The following NDST4 variants were observed in gnomAD, a reference collection of about 807,000 sequenced individuals.
NDST4 encodes N-deacetylase and N-sulfotransferase 4, also known as N-heparan sulfate sulfotransferase 4.
In NDST4, 63 loss-of-function variants were observed where a neutral mutation model predicts 100.8. That is an observed-to-expected ratio of 0.62 (90% CI 0.51 to 0.77). NDST4 has a LOEUF of 0.77. Among genes scored for constraint, NDST4 ranks in the 30% least tolerant of loss-of-function variants. NDST4 has a pLI of 0.00. For synonymous variants in NDST4, 377 were observed against 361.8 expected (o/e 1.04, Z -0.48); for missense variants, 943 against 1,018.4 (o/e 0.93, Z 1.01).
rs552876844 is a variant in NDST4, at chr4:114,848,427, A to G, written c.1817-89T>C. On this transcript the variant is annotated intron_variant, in intron 8 of 13. Coordinates refer to ENST00000264363, the MANE Select transcript of NDST4 (RefSeq NM_022569.3). ...ATTTTTGCTCAAAAAGTAATATTAAAATAATCAACTATTTCCAGTATCAAA... is the reference window on the plus strand; with the variant it reads ...ATTTTTGCTCAAAAAGTAATATTAAGATAATCAACTATTTCCAGTATCAAA... The G allele has an allele frequency of 2.2e-5, 22 of 1,018,188 alleles. No individual in the cohort carries two copies. The African/African-American group carries it at 2.8e-4, about 13-fold the overall frequency. The allele number at this position is 1,018,188 out of a possible 1,614,324, so 63.1% of individuals were successfully genotyped here.
intron 11 of NDST4, 55 bp from the exon 12 acceptor site, chr4:114,833,770 G>A (rs1723253383): frequency 9.1e-7 from 1 of 1,104,674 alleles, no homozygotes; most frequent in African/African-American, 1.6e-5. Flanking sequence ...TGAATAGACT[G>A]TGATGCCTTC....
At chr4:114,959,110 A>G (rs1030710658) in intron 4 of NDST4, among the ~76,000 whole-genome samples, 1 of 152,146 alleles carries the variant, frequency 6.6e-6, no homozygotes, top group East Asian at 1.9e-4. Context: ...CCTCATTTCC[A>G]TCTGAGACCA....
chr4:115,003,046 G>A (rs868367735), intron 2 of NDST4, among the ~76,000 whole-genome samples: 50 of 152,250 alleles, frequency 3.3e-4, no homozygotes, highest in African/African-American at 1.1e-3. Flanking sequence ...CATGGATACA[G>A]GGAGGGGAAC....
Position 114,833,667 on chromosome 4 carries a change from T to C in NDST4, c.2335A>G (p.Met779Val), listed in dbSNP as rs774031707. The C allele has an allele frequency of 1.9e-6, 3 of 1,613,512 alleles. No homozygotes were observed. The Admixed American group carries it at 5.0e-5, about 27-fold the overall frequency. The change falls in exon 12 of 14, where the codon ATG becomes GTG. Residue 779 changes from methionine (M) to valine (V), a missense_variant. Met to Val is a conservative substitution (Grantham distance 21, BLOSUM62 1). This residue lies in a region of NDST4 where 526 missense variants were observed against 634.1 expected (regional missense o/e 0.83). Transcript: ENST00000264363. The stretch of plus-strand genomic sequence containing the variant: ...CCCAGAAACTTCTGGACTTCATCCA[T>C]CACAGTAGCTGGGTCAGATCTCAGC... ...QQLRSDPATV[M>V]DEVQKFLGVT...
chr4:115,028,863 A>C (rs1728046321), intron 2 of NDST4, among the ~76,000 whole-genome samples: 1 of 152,116 alleles, frequency 6.6e-6, no homozygotes, highest in Non-Finnish European at 1.5e-5. Flanking sequence ...AAATTAGATA[A>C]CTAGAGGCAA....
chr4:114,934,696 G>T (rs1725590044), intron 6 of NDST4, among the ~76,000 whole-genome samples: 1 of 151,964 alleles, frequency 6.6e-6, no homozygotes, highest in Admixed American at 6.6e-5. Flanking sequence ...TAAGTTAATA[G>T]TTAATAGTAA....
At chr4:114,847,654 T>C (rs1723583991) in intron 9 of NDST4, among the ~76,000 whole-genome samples, 1 of 151,844 alleles carries the variant, frequency 6.6e-6, no homozygotes, top group Non-Finnish European at 1.5e-5. Context: ...GGAAATACTG[T>C]GATTTTATTT....
chr4:114,848,180 T>A (rs1723595161), intron 9 of NDST4, 35 bp downstream of exon 9: 1 of 1,563,840 alleles, frequency 6.4e-7, no homozygotes, highest in Non-Finnish European at 8.7e-7. Context: ...GAGCATGTGT[T>A]AATAATGGAA....
chr4:114,898,446 A>G (rs575563147), intron 6 of NDST4, among the ~76,000 whole-genome samples: 3 of 152,224 alleles, frequency 2.0e-5, no homozygotes, highest in Admixed American at 2.0e-4. Flanking sequence ...ACTGTATTTG[A>G]TACCTGTAGC....
intron 6 of NDST4, among the ~76,000 whole-genome samples, chr4:114,910,151 T>G (rs72904960): frequency 0.014 from 2,200 of 152,258 alleles, 55 homozygotes; most frequent in African/African-American, 0.051. Context: ...GGATTCTGTC[T>G]CAGGATGTTT....
At chr4:114,980,508 A>G (rs1488302210) in intron 2 of NDST4, among the ~76,000 whole-genome samples, 1 of 150,250 alleles carries the variant, frequency 6.7e-6, no homozygotes, top group Non-Finnish European at 1.5e-5. Flanking sequence ...TGGGCGTGGT[A>G]GTGCATGCCT....
intron 2 of NDST4, among the ~76,000 whole-genome samples, chr4:115,039,145 G>A (rs1728295565): frequency 6.6e-6 from 1 of 152,102 alleles, no homozygotes; most frequent in Non-Finnish European, 1.5e-5. Context: ...GAGTGGGTAG[G>A]GCCAAACTAC....
In NDST4 at chr4:114,870,916, C is replaced by A; in HGVS notation, c.1571G>T (p.Gly524Val). 6.2e-7 allele frequency: 1 copy of A among 1,608,386 alleles called. No homozygotes were observed. Among genetic ancestry groups the A allele is most frequent in the South Asian group, 1.1e-5 (1 of 90,194 alleles). The change falls in exon 7 of 14, where the codon GGA becomes GTA. Residue 524 changes from glycine (G) to valine (V), a missense_variant. Physicochemically the swap from Gly to Val is moderately radical, Grantham distance 109. This residue lies in a region of NDST4 where 526 missense variants were observed against 634.1 expected (regional missense o/e 0.83). Coordinates refer to ENST00000264363, the MANE Select transcript of NDST4 (RefSeq NM_022569.3). ...GGTATATAACCCTAGGCGGTCATTTCCATAGTTTGATAAATGGGTCATGAA... is the reference window on the plus strand; with the variant it reads ...GGTATATAACCCTAGGCGGTCATTTACATAGTTTGATAAATGGGTCATGAA... ...SIFMTHLSNYGNDRLGLYTFV... is the reference protein window; with the variant it reads ...SIFMTHLSNYVNDRLGLYTFV...
At chr4:115,038,599 A>T (rs577201161) in intron 2 of NDST4, among the ~76,000 whole-genome samples, 1 of 152,338 alleles carries the variant, frequency 6.6e-6, no homozygotes, top group South Asian at 2.1e-4. Context: ...ATGACTTAAC[A>T]TTTATTTTCA....
chr4:114,900,259 T>C (rs1164043403), intron 6 of NDST4, among the ~76,000 whole-genome samples: 2 of 152,276 alleles, frequency 1.3e-5, no homozygotes, highest in East Asian at 3.9e-4. Context: ...TTACTCTTAT[T>C]GATCATTTTA....
chr4:115,081,518 G>C (rs905689956), intron 1 of NDST4, among the ~76,000 whole-genome samples: 6 of 152,130 alleles, frequency 3.9e-5, no homozygotes, highest in Non-Finnish European at 7.4e-5. Flanking sequence ...TGGATAGGGA[G>C]AGCAACCAAC....
At chr4:115,031,049 T>C (rs537150825) in intron 2 of NDST4, among the ~76,000 whole-genome samples, 1 of 152,256 alleles carries the variant, frequency 6.6e-6, no homozygotes, top group Admixed American at 6.6e-5. Flanking sequence ...AGCTCATAAC[T>C]TTTCTGTTCA....
At chr4:114,973,522 G>T (rs1406131673) in intron 3 of NDST4, among the ~76,000 whole-genome samples, 2 of 151,572 alleles carry the variant, frequency 1.3e-5, no homozygotes, top group Non-Finnish European at 3.0e-5. Context: ...AATACATTTT[G>T]CACTTATTAA....
rs182550752 is a variant in NDST4, at chr4:114,854,596, G to A, written c.1720-1775C>T. 5.2e-3 allele frequency among the ~76,000 whole-genome samples: 798 copies of A among 152,186 alleles called. 3 individuals carry two copies. Among genetic ancestry groups the A allele is most frequent in the Non-Finnish European group, 7.3e-3 (496 of 68,000 alleles). On this transcript the variant is annotated intron_variant, in intron 7 of 13. Coordinates refer to ENST00000264363, the MANE Select transcript of NDST4 (RefSeq NM_022569.3). ...CGATTCTCCTGCCCCAGCCTCCCGA[G>A]TAGCTGGGACCACAGGCACGTGCCA...
Sources: gnomAD v4.1 joint callset for allele counts (sites outside exome capture counted in the v4.1 genomes callset) on GRCh38, gnomAD v4.1.1 for gene constraint, gnomAD v4.1.1 regional missense constraint, MANE v1.5 for transcripts, NCBI Gene and HGNC (gene_info 2026-07-23, HGNC 2026-07-21) for gene names.